The following GALNT14 variants were observed in gnomAD, a reference collection of about 807,000 sequenced individuals.
The protein encoded by GALNT14 is UDP-GalNAc:polypeptide N-acetylgalactosaminyltransferase 14.
In GALNT14, 60 loss-of-function variants were observed where a neutral mutation model predicts 77.5. That is an observed-to-expected ratio of 0.77 (90% CI 0.63 to 0.96). The LOEUF is 0.96. Among genes scored for constraint, GALNT14 ranks in the 40% least tolerant of loss-of-function variants. The probability of loss-of-function intolerance (pLI) is 0.00; values close to 1 mark genes in which losing one functional copy is unlikely to be tolerated. For synonymous variants in GALNT14, 280 were observed against 281.7 expected, an observed-to-expected ratio of 0.99 and a Z score of 0.06; for missense variants, 710 against 731.0, an observed-to-expected ratio of 0.97 and a Z score of 0.33.
At chr2:31,030,056 T>G (rs181329035) in intron 1 of GALNT14, among the ~76,000 whole-genome samples, 16 of 152,316 alleles carry the variant, frequency 1.1e-4, no homozygotes, top group African/African-American at 3.8e-4. Flanking sequence ...TGATTATTAT[T>G]TTCGTGTCTT....
intron 1 of GALNT14, among the ~76,000 whole-genome samples, chr2:31,063,969 C>A (rs1674774640): frequency 6.6e-6 from 1 of 152,140 alleles, no homozygotes; most frequent in Non-Finnish European, 1.5e-5. Context: ...GAGAAGGCAG[C>A]CCTACAGAGG....
chr2:31,001,376 A>C (rs1044654168), intron 1 of GALNT14, among the ~76,000 whole-genome samples: 4 of 152,232 alleles, frequency 2.6e-5, no homozygotes, highest in African/African-American at 9.6e-5. Context: ...AGGGTAGTTG[A>C]ATGATAAGCA....
At chr2:31,070,025 G>A (rs1346335670) in intron 1 of GALNT14, among the ~76,000 whole-genome samples, 3 of 152,010 alleles carry the variant, frequency 2.0e-5, no homozygotes, top group Non-Finnish European at 4.4e-5. Flanking sequence ...TCCTGTGTCC[G>A]CTTACCCCCA....
the GALNT14 span, among the ~76,000 whole-genome samples, chr2:30,904,358 G>A: frequency 3.9e-5 from 6 of 152,360 alleles, no homozygotes; most frequent in East Asian, 1.9e-4. Flanking sequence ...TGCGTGCACT[G>A]TGTGCGAGCC....
intron 1 of GALNT14, chr2:31,125,252 A>C: frequency 6.5e-7 from 1 of 1,549,652 alleles, no homozygotes; most frequent in South Asian, 1.2e-5. Flanking sequence ...CAAGGACCAA[A>C]CCTGAAAATG....
intron 9 of GALNT14, among the ~76,000 whole-genome samples, chr2:30,934,953 C>T (rs1436772455): frequency 1.3e-5 from 2 of 152,172 alleles, no homozygotes; most frequent in Non-Finnish European, 2.9e-5. Context: ...TCAGCATCTT[C>T]CTACAGCCTG....
chr2:31,039,601 T>TC (rs1672978602), intron 1 of GALNT14, among the ~76,000 whole-genome samples: 1 of 152,210 alleles, frequency 6.6e-6, no homozygotes, highest in Non-Finnish European at 1.5e-5. Context: ...CCTCATATGT[T>TC]CCCTCAACCA....
intron 1 of GALNT14, among the ~76,000 whole-genome samples, chr2:30,994,820 G>A (rs1669921298): frequency 6.6e-6 from 1 of 152,160 alleles, no homozygotes; most frequent in African/African-American, 2.4e-5. Flanking sequence ...AGAGAAGAGC[G>A]ATGTGGAGCT....
At chr2:30,985,414 G>A (rs1384182548) in intron 2 of GALNT14, among the ~76,000 whole-genome samples, 1 of 152,074 alleles carries the variant, frequency 6.6e-6, no homozygotes, top group Admixed American at 6.5e-5. Flanking sequence ...AGACTGGGGA[G>A]GAATCCTGAC....
intron 1 of GALNT14, among the ~76,000 whole-genome samples, chr2:31,111,995 C>CTTTTTTTTTTTTTTTTTTTTT (rs398080139): frequency 7.5e-6 from 1 of 134,118 alleles, no homozygotes; most frequent in Non-Finnish European, 1.6e-5. Context: ...TGTGTACTTG[C>CTTTTTTTTTTTTTTTTTTTTT]TTTTTTTTTT....
chr2:30,962,791 A>G (rs982557985), intron 3 of GALNT14, among the ~76,000 whole-genome samples: 1 of 152,194 alleles, frequency 6.6e-6, no homozygotes, highest in Admixed American at 6.5e-5. Flanking sequence ...CCAGAATTCC[A>G]GAAAGTTAAC....
Position 30,960,824 on chromosome 2 carries a change from C to T in GALNT14, c.399-2360G>A, listed in dbSNP as rs956749618. Among the ~76,000 whole-genome samples, 6 of 152,212 alleles carry T rather than the reference C, an allele frequency of 3.9e-5. No individual in the cohort carries two copies. In the East Asian group the frequency reaches 9.6e-4, roughly 24 times the overall value. On this transcript the variant is annotated intron_variant, in intron 3 of 14. Transcript: ENST00000349752. ...GCCTCTACAGCAAAGCAAATCCATTCGTCCAGGCCCAGCAGAGGATAGCTC... is the reference window on the plus strand; with the variant it reads ...GCCTCTACAGCAAAGCAAATCCATTTGTCCAGGCCCAGCAGAGGATAGCTC...
intron 2 of GALNT14, among the ~76,000 whole-genome samples, chr2:30,992,636 G>T (rs1372754971): frequency 1.3e-5 from 2 of 152,206 alleles, no homozygotes; most frequent in Non-Finnish European, 2.9e-5. Context: ...GACCTGCGGG[G>T]TTTGGGATTG....
At chr2:31,045,647 G>C (rs1325626371) in intron 1 of GALNT14, among the ~76,000 whole-genome samples, 1 of 152,036 alleles carries the variant, frequency 6.6e-6, no homozygotes, top group East Asian at 1.9e-4. Flanking sequence ...ATTTTTTGTA[G>C]AGACAGGGTT....
At chr2:30,947,206 G>A (rs1315634968) in intron 6 of GALNT14, among the ~76,000 whole-genome samples, 1 of 151,942 alleles carries the variant, frequency 6.6e-6, no homozygotes, top group Non-Finnish European at 1.5e-5. Context: ...TCTACATATG[G>A]CTGCCAAAGT....
rs533007356 is a variant in GALNT14, at chr2:31,104,681, A to C, written c.129+33277T>G. 3.3e-5 allele frequency among the ~76,000 whole-genome samples: 5 copies of C among 152,320 alleles called. No individual in the cohort carries two copies. The South Asian group carries it at 1.0e-3, about 32-fold the overall frequency. On this transcript the variant is annotated intron_variant, in intron 1 of 14. Coordinates refer to ENST00000349752, the MANE Select transcript of GALNT14 (RefSeq NM_024572.4). Reference sequence around the variant, plus strand: ...CAAATCTTTGAAAGTCTGAAACAGTACAGACCTTTCCTTCTGTAGAGCCTG... The same window carrying C: ...CAAATCTTTGAAAGTCTGAAACAGTCCAGACCTTTCCTTCTGTAGAGCCTG...
chr2:30,890,821 G>A, the GALNT14 span, among the ~76,000 whole-genome samples: 1 of 152,180 alleles, frequency 6.6e-6, no homozygotes, highest in Non-Finnish European at 1.5e-5. Context: ...GGATACACAG[G>A]AGGCATCAGT....
At chr2:30,904,204 G>A in the GALNT14 span, among the ~76,000 whole-genome samples, 1 of 152,168 alleles carries the variant, frequency 6.6e-6, no homozygotes, top group East Asian at 1.9e-4. Context: ...GATCTGGGGA[G>A]GAGCCAAGAT....
intron 1 of GALNT14, among the ~76,000 whole-genome samples, chr2:31,117,992 C>A (rs1301057423): frequency 1.3e-5 from 2 of 152,162 alleles, no homozygotes; most frequent in African/African-American, 4.8e-5. Context: ...TAGAACCCAT[C>A]ATTTCTACTC....
Sources: allele counts gnomAD v4.1 joint callset (sites outside exome capture counted in the v4.1 genomes callset), GRCh38; gene constraint gnomAD v4.1.1; transcripts MANE v1.5; gene names NCBI Gene and HGNC (gene_info 2026-07-23, HGNC 2026-07-21).